RDX: variants seen among roughly 807,000 people sequenced by gnomAD.
RDX encodes the protein deafness, autosomal recessive 24.
Under a neutral mutation model 83.7 loss-of-function variants are expected in RDX, and 32 were observed. That is an observed-to-expected ratio of 0.38 (90% confidence interval 0.29 to 0.51). The LOEUF is 0.51. RDX is among the 20% of genes least tolerant of loss of function. The pLI is 0.87. For missense variants in RDX, 600 were observed against 689.9 expected, an observed-to-expected ratio of 0.87 and a Z score of 1.46; for synonymous variants, 229 against 222.7, an observed-to-expected ratio of 1.03 and a Z score of -0.25.
intron 15 of RDX, among the ~76,000 whole-genome samples, chr11:110,198,991 T>C (rs1018715215): frequency 5.9e-5 from 9 of 152,046 alleles, no homozygotes; most frequent in Non-Finnish European, 8.8e-5. Flanking sequence ...TTTTTTGTAT[T>C]TTTAGTAGAG....
Position 110,272,602 on chromosome 11 carries a change from A to G in RDX, c.30T>C (p.Thr10=), listed in dbSNP as rs1028482937. The G allele has an allele frequency of 3.7e-6, 6 of 1,610,940 alleles. No individual in the cohort carries two copies. Among genetic ancestry groups the G allele is most frequent in the Non-Finnish European group, 5.1e-6 (6 of 1,178,220 alleles). MPKPINVRV[T]TMDAELEFAI... is the part of the protein sequence containing the mutation. ...CAAATTCCAGCTCAGCATCCATTGT[A>G]GTTACTCTTACGTTGATCTGTAATA... Residue 10 remains threonine, a synonymous_variant, in exon 3 of 14, where the codon ACT becomes ACC. Transcript: ENST00000645495.
At chr11:110,189,081 AC>A in intron 15 of RDX, among the ~76,000 whole-genome samples, 1 of 151,832 alleles carries the variant, frequency 6.6e-6, no homozygotes, top group East Asian at 1.9e-4. Flanking sequence ...AAAACCAAAG[AC>A]CCATACATCT....
rs368983071 is a variant in RDX, at chr11:110,254,059, G to A, written c.846C>T (p.Ala282=). 45 of 1,613,676 alleles carry A rather than the reference G, an allele frequency of 2.8e-5. No homozygotes were observed. In the African/African-American group the frequency reaches 3.5e-4, roughly 12 times the overall value. The stretch of plus-strand genomic sequence containing the variant: ...ATAGTTCATGGTTTCCCATACATAA[G>A]GCCAAAATCCGCTTATTGATTCTCA... ...PRLRINKRIL[A]LCMGNHELYM... The change falls in exon 9 of 14, where the codon GCC becomes GCT. Residue 282 remains alanine, a synonymous_variant. Coordinates refer to ENST00000645495, the MANE Select transcript of RDX (RefSeq NM_002906.4).
intron 10 of RDX, among the ~76,000 whole-genome samples, chr11:110,242,467 A>G (rs1207245664): frequency 6.6e-6 from 1 of 151,752 alleles, no homozygotes; most frequent in East Asian, 1.9e-4. Flanking sequence ...TTAAAAAAAA[A>G]AAAAGCCAAA....
intron 14 of RDX, among the ~76,000 whole-genome samples, chr11:110,204,528 T>C (rs1433036780): frequency 6.8e-6 from 1 of 147,216 alleles, no homozygotes. Context: ...TTTTTTTTTT[T>C]TTTTTGAGAC....
At chr11:110,289,227 A>G (rs1861114378) in intron 1 of RDX, among the ~76,000 whole-genome samples, 1 of 149,702 alleles carries the variant, frequency 6.7e-6, no homozygotes, top group Non-Finnish European at 1.5e-5. Flanking sequence ...AACAAGAGCA[A>G]AACTCTATCT....
At chr11:110,286,883 G>A (rs1591187121) in intron 1 of RDX, 1 of 152,106 alleles carries the variant, frequency 6.6e-6, no homozygotes. Context: ...TGAAGCCTAT[G>A]AACTCTTTCT....
intron 10 of RDX, among the ~76,000 whole-genome samples, chr11:110,243,796 T>C (rs748444556): frequency 6.6e-6 from 1 of 151,796 alleles, no homozygotes; most frequent in Non-Finnish European, 1.5e-5. Flanking sequence ...GTATTAGAGA[T>C]ATGCAATAAA....
chr11:110,210,348 C>A, intron 14 of RDX, among the ~76,000 whole-genome samples: 1 of 113,454 alleles, frequency 8.8e-6, no homozygotes, highest in African/African-American at 3.9e-5. Flanking sequence ...GTGAAAAGAC[C>A]AAATCTACAT....
At chr11:110,271,415 C>G (rs1438117384) in intron 3 of RDX, among the ~76,000 whole-genome samples, 1 of 152,058 alleles carries the variant, frequency 6.6e-6, no homozygotes, top group Non-Finnish European at 1.5e-5. Flanking sequence ...AAAAGTTATC[C>G]TCCTCTAAGT....
intron 1 of RDX, among the ~76,000 whole-genome samples, chr11:110,281,881 A>G (rs1312626366): frequency 6.7e-6 from 1 of 148,286 alleles, no homozygotes; most frequent in East Asian, 2.0e-4. Flanking sequence ...TGGGAGGATC[A>G]CTTGAGCCCA....
chr11:110,257,885 T>G lies in RDX; in HGVS notation c.580A>C (p.Ile194Leu). ...CCATACATTTCTAGATCTTGTGCAA[T>G]CTTCAGGTATTCCATCATAGAATCC... ...REDSMMEYLKIAQDLEMYGVN... is the reference protein window; with the variant it reads ...REDSMMEYLKLAQDLEMYGVN... Residue 194 changes from isoleucine to leucine, a missense_variant, in exon 7 of 14, where the codon ATT becomes CTT. Ile to Leu is a conservative substitution (Grantham distance 5). Transcript: ENST00000645495. The G allele has an allele frequency of 2.5e-6, 4 of 1,612,278 alleles. No individual in the cohort carries two copies. Among genetic ancestry groups the G allele is most frequent in the Non-Finnish European group, 2.5e-6 (3 of 1,178,594 alleles).
chr11:110,277,932 T>C (rs987659270), intron 2 of RDX, among the ~76,000 whole-genome samples: 1 of 152,216 alleles, frequency 6.6e-6, no homozygotes, highest in Non-Finnish European at 1.5e-5. Context: ...AGTTTGAGCT[T>C]TTGCATGTAG....
intron 3 of RDX, 116 bp from the exon 4 acceptor site, chr11:110,264,990 G>C (rs985695581): frequency 1.6e-6 from 1 of 643,476 alleles, no homozygotes. Context: ...ATATTCCTTT[G>C]CCATAGAAAA....
chr11:110,283,608 C>G (rs1176980115), intron 1 of RDX, among the ~76,000 whole-genome samples: 1 of 151,820 alleles, frequency 6.6e-6, no homozygotes, highest in Non-Finnish European at 1.5e-5. Context: ...ACTTGTAAAC[C>G]CAGCACTTTG....
intron 15 of RDX, among the ~76,000 whole-genome samples, chr11:110,188,296 A>AAATAAT (rs34384486): frequency 0.17 from 23,676 of 142,150 alleles, 2,013 homozygotes; most frequent in Middle Eastern, 0.23. Context: ...CTCTGTCTCA[A>AAATAAT]AATAATAATA....
chr11:110,258,445 T>C (rs1859641352), intron 5 of RDX, among the ~76,000 whole-genome samples: 2 of 152,176 alleles, frequency 1.3e-5, no homozygotes. Flanking sequence ...TTACACAAGA[T>C]GTTACCATCA....
chr11:110,257,211 A>T (rs577461940), intron 7 of RDX, among the ~76,000 whole-genome samples: 217 of 151,620 alleles, frequency 1.4e-3, no homozygotes, highest in African/African-American at 5.1e-3. Context: ...ATATATGTAT[A>T]ATAAAAAACT....
At chr11:110,226,508 C>T (rs570243641), downstream of RDX, among the ~76,000 whole-genome samples, 2 of 152,230 alleles carry the variant, frequency 1.3e-5, no homozygotes, top group Non-Finnish European at 2.9e-5. Flanking sequence ...TTAATGGGTA[C>T]AGGCTTCAGT....
Sources: gnomAD v4.1 joint callset for allele counts (sites outside exome capture counted in the v4.1 genomes callset) on GRCh38, gnomAD v4.1.1 for gene constraint, MANE v1.5 for transcripts, NCBI Gene and HGNC (gene_info 2026-07-23, HGNC 2026-07-21) for gene names.